The following POFUT3 variants were observed in gnomAD, a reference collection of about 807,000 sequenced individuals.
The protein encoded by POFUT3 is protein O-fucosyltransferase 3.
At chr8:33,325,919 C>T in the POFUT3 span, among the ~76,000 whole-genome samples, 2 of 152,164 alleles carry the variant, frequency 1.3e-5, no homozygotes. Flanking sequence ...ACACACCCCG[C>T]GCCCACCTGT....
chr8:33,311,425 G>A, the POFUT3 span, among the ~76,000 whole-genome samples: 1 of 152,076 alleles, frequency 6.6e-6, no homozygotes, highest in African/African-American at 2.4e-5. Context: ...AAATTGAGTT[G>A]AGCCTGAATC....
At chr8:33,429,241 C>T in the POFUT3 span, among the ~76,000 whole-genome samples, 166 of 152,280 alleles carry the variant, frequency 1.1e-3, 4 homozygotes, top group East Asian at 0.027. Flanking sequence ...TACTGCAGTA[C>T]TCTCGGACCC....
At chr8:33,363,322 G>C in the POFUT3 span, among the ~76,000 whole-genome samples, 1 of 152,102 alleles carries the variant, frequency 6.6e-6, no homozygotes, top group African/African-American at 2.4e-5. Flanking sequence ...AAGCAGGAAA[G>C]ATCTAAAATC....
chr8:33,388,640 A>T, the POFUT3 span, among the ~76,000 whole-genome samples: 1 of 151,922 alleles, frequency 6.6e-6, no homozygotes, highest in Non-Finnish European at 1.5e-5. Flanking sequence ...TGTGGCAAGA[A>T]CTCTTAATTT....
chr8:33,313,051 A>G, the POFUT3 span, among the ~76,000 whole-genome samples: 1 of 152,192 alleles, frequency 6.6e-6, no homozygotes, highest in South Asian at 2.1e-4. Context: ...GTACTACTCC[A>G]GGCTCTAGGA....
chr8:33,461,526 G>T, the POFUT3 span: 1 of 1,607,552 alleles, frequency 6.2e-7, no homozygotes. Context: ...CAGAGCCCGA[G>T]ACAACTTCAC....
the POFUT3 span, among the ~76,000 whole-genome samples, chr8:33,395,732 T>C: frequency 1.3e-5 from 2 of 152,120 alleles, no homozygotes; most frequent in South Asian, 2.1e-4. Flanking sequence ...TTGTAACACA[T>C]GCCCTCTGGG....
chr8:33,427,101 G>T, the POFUT3 span, among the ~76,000 whole-genome samples: 3 of 152,204 alleles, frequency 2.0e-5, no homozygotes, highest in African/African-American at 7.2e-5. Flanking sequence ...CTCTGCCCAG[G>T]CTTTGGCCCA....
the POFUT3 span, among the ~76,000 whole-genome samples, chr8:33,402,626 A>T: frequency 3.9e-5 from 6 of 152,218 alleles, no homozygotes; most frequent in Non-Finnish European, 7.3e-5. Flanking sequence ...GAGTAATACA[A>T]TGTATAAATT....
the POFUT3 span, among the ~76,000 whole-genome samples, chr8:33,395,763 C>A: frequency 6.6e-6 from 1 of 152,124 alleles, no homozygotes; most frequent in Admixed American, 6.5e-5. Context: ...TCACAGGCAA[C>A]CCCTAGACAC....
At chr8:33,384,556 A>C in the POFUT3 span, among the ~76,000 whole-genome samples, 2,438 of 152,230 alleles carry the variant, frequency 0.016, 61 homozygotes, top group African/African-American at 0.054. Context: ...GTGGTGGCTC[A>C]CATCTGTAAT....
the POFUT3 span, among the ~76,000 whole-genome samples, chr8:33,382,785 A>G: frequency 1.3e-5 from 2 of 152,186 alleles, no homozygotes; most frequent in African/African-American, 4.8e-5. Context: ...GAGAGCAGGC[A>G]TGAACGAGGG....
At chr8:33,415,218 C>A in the POFUT3 span, among the ~76,000 whole-genome samples, 1 of 152,016 alleles carries the variant, frequency 6.6e-6, no homozygotes, top group East Asian at 1.9e-4. Context: ...GCCAAGATCA[C>A]GTCACTACAC....
chr8:33,417,031 G>A, the POFUT3 span, among the ~76,000 whole-genome samples: 6 of 152,004 alleles, frequency 3.9e-5, no homozygotes, highest in African/African-American at 9.7e-5. Context: ...GGTGAGTGGC[G>A]GGAGTGAGAG....
chr8:33,457,214 C>A, the POFUT3 span, among the ~76,000 whole-genome samples: 1 of 152,098 alleles, frequency 6.6e-6, no homozygotes, highest in South Asian at 2.1e-4. Flanking sequence ...TTGGGAGGCC[C>A]AGGTGGGTGG....
the POFUT3 span, among the ~76,000 whole-genome samples, chr8:33,416,570 G>C: frequency 2.0e-5 from 3 of 152,034 alleles, no homozygotes; most frequent in Non-Finnish European, 4.4e-5. Context: ...AATTTGCCAG[G>C]TGTGGGGGTG....
the POFUT3 span, among the ~76,000 whole-genome samples, chr8:33,327,528 A>G: frequency 6.6e-6 from 1 of 152,048 alleles, no homozygotes; most frequent in African/African-American, 2.4e-5. Flanking sequence ...CAGGATCACA[A>G]GATGCCAAGC....
the POFUT3 span, among the ~76,000 whole-genome samples, chr8:33,374,483 T>C: frequency 6.6e-6 from 1 of 152,172 alleles, no homozygotes; most frequent in African/African-American, 2.4e-5. Flanking sequence ...TGAAACGTGA[T>C]GGTTTAATTA....
the POFUT3 span, chr8:33,389,770 AG>A: frequency 6.2e-7 from 1 of 1,613,882 alleles, no homozygotes; most frequent in Non-Finnish European, 8.5e-7. Flanking sequence ...TCCGAGGCAG[AG>A]GTAAGCTATC....
Sources: gnomAD v4.1 joint callset for allele counts (sites outside exome capture counted in the v4.1 genomes callset) on GRCh38, gnomAD v4.1.1 for gene constraint, MANE v1.5 for transcripts, NCBI Gene and HGNC (gene_info 2026-07-23, HGNC 2026-07-21) for gene names.